TEX15: variants seen among roughly 807,000 people sequenced by gnomAD.
TEX15 encodes the protein testis-expressed protein 15.
Under a neutral mutation model 237.3 loss-of-function variants are expected in TEX15, and 171 were observed. The observed-to-expected ratio is 0.72, with a 90% CI of 0.64 to 0.82. The LOEUF is 0.82. Among genes scored for constraint, TEX15 ranks in the 40% least tolerant of loss-of-function variants. The probability of loss-of-function intolerance (pLI) is 0.00; values close to 1 mark genes in which losing one functional copy is unlikely to be tolerated. For missense variants in TEX15, 3,750 were observed against 3,646.5 expected (o/e 1.03, Z -0.73); for synonymous variants, 1,338 against 1,269.8 (o/e 1.05, Z -1.14).
intron 2 of TEX15, among the ~76,000 whole-genome samples, chr8:30,894,349 A>C (rs1563275524): frequency 6.6e-6 from 1 of 152,182 alleles, no homozygotes; most frequent in Admixed American, 6.5e-5. Context: ...CGTATTTGAT[A>C]ATTCCAACAT....
At chr8:30,909,797 AAAGAT>A (rs1308214572) in intron 1 of TEX15, among the ~76,000 whole-genome samples, 8 of 152,320 alleles carry the variant, frequency 5.3e-5, no homozygotes, top group South Asian at 2.1e-4. Context: ...CCTCTTTGAT[AAAGAT>A]AAGTAACAAA....
In TEX15 at chr8:30,849,121, C is replaced by T; in HGVS notation, c.1046G>A (p.Gly349Glu). The change falls in exon 8 of 11, where the codon GGA becomes GAA. Residue 349 changes from glycine to glutamate, a missense_variant. Physicochemically the swap from Gly to Glu is moderately conservative, Grantham distance 98. Transcript: ENST00000643185. ...ISNSYGNVQN[G>E]NISIPETYSG... ...GTATGTTTCAGGTATAGAAATGTTT[C>T]CATTTTGTACATTTCCATAGGAGTT... The T allele has an allele frequency of 6.3e-7, 1 of 1,599,958 alleles. No homozygotes were observed. The highest frequency in any genetic ancestry group is 8.5e-7 in the Non-Finnish European group (1 of 1,173,326).
intron 5 of TEX15, among the ~76,000 whole-genome samples, chr8:30,864,285 T>TAA (rs113313825): frequency 2.5e-5 from 3 of 122,018 alleles, no homozygotes; most frequent in South Asian, 2.6e-4. Flanking sequence ...GAAAAAAGAC[T>TAA]AAAAAAAAAA....
chr8:30,844,943 T>C lies in TEX15; in HGVS notation c.5224A>G (p.Ile1742Val). The C allele has an allele frequency of 6.2e-7, 1 of 1,613,546 alleles. No homozygotes were observed. The highest frequency in any genetic ancestry group is 2.2e-5 in the East Asian group (1 of 44,876). The stretch of plus-strand genomic sequence containing the variant: ...GCTGCAAAAGAATCTACAGTAAGAA[T>C]TCTCTGCTTATCCAAGTAAGATTTT... Reference protein sequence around the residue: ...SSKSYLDKQRILTVDSFAASS... With the variant: ...SSKSYLDKQRVLTVDSFAASS... Residue 1742 changes from isoleucine to valine, a missense_variant, in exon 8 of 11, where the codon ATT becomes GTT. Physicochemically the swap from Ile to Val is conservative, Grantham distance 29. Transcript: ENST00000643185.
chr8:30,841,650 C>T (rs934630419), intron 8 of TEX15, among the ~76,000 whole-genome samples: 1 of 152,172 alleles, frequency 6.6e-6, no homozygotes, highest in African/African-American at 2.4e-5. Flanking sequence ...GGGGCATAGG[C>T]TTGTTATACA....
intron 9 of TEX15, among the ~76,000 whole-genome samples, chr8:30,839,216 A>T (rs931528507): frequency 2.6e-5 from 4 of 152,112 alleles, no homozygotes; most frequent in African/African-American, 7.2e-5. Flanking sequence ...AGTCAAGAGA[A>T]ATTCTTCTTT....
chr8:30,872,989 T>C (rs1208115545), intron 4 of TEX15, among the ~76,000 whole-genome samples: 2 of 152,172 alleles, frequency 1.3e-5, no homozygotes, highest in Non-Finnish European at 2.9e-5. Flanking sequence ...TAGTAACAGG[T>C]ATACGATATA....
Position 30,845,999 on chromosome 8 carries a change from CTTTT to C in TEX15, c.4164_4167del (p.Lys1389LeufsTer12). The C allele has an allele frequency of 6.2e-7, 1 of 1,612,864 alleles. No individual in the cohort carries two copies. The highest frequency in any genetic ancestry group is 8.5e-7 in the Non-Finnish European group (1 of 1,179,492). ...AAAGATGTGTGAACTCTTCTATGAG[CTTTT>C]TTTAAGTGAACAACTGCTTTGTCTA... On this transcript the variant is annotated frameshift_variant, in exon 8 of 11. Transcript: ENST00000643185. LOFTEE classifies it high-confidence loss of function.
At chr8:30,903,333 A>G (rs1358693322) in intron 1 of TEX15, among the ~76,000 whole-genome samples, 1 of 152,220 alleles carries the variant, frequency 6.6e-6, no homozygotes, top group Admixed American at 6.5e-5. Flanking sequence ...CTTCCAGTCC[A>G]GCTGCTTTTC....
intron 4 of TEX15, among the ~76,000 whole-genome samples, chr8:30,873,426 G>A (rs1808335567): frequency 6.6e-6 from 1 of 152,082 alleles, no homozygotes; most frequent in Admixed American, 6.6e-5. Context: ...AATGGTCAAG[G>A]CACTCTAATA....
intron 2 of TEX15, among the ~76,000 whole-genome samples, chr8:30,895,545 T>C (rs1017934050): frequency 6.6e-6 from 1 of 151,804 alleles, no homozygotes; most frequent in East Asian, 1.9e-4. Context: ...GAGTATCTGG[T>C]TAAGTATTAG....
chr8:30,883,835 G>C (rs1236821279), intron 3 of TEX15, among the ~76,000 whole-genome samples: 1 of 152,184 alleles, frequency 6.6e-6, no homozygotes, highest in African/African-American at 2.4e-5. Flanking sequence ...CTTTATGGCA[G>C]AATGATTTAT....
At chr8:30,907,036 T>C (rs2128780068) in intron 1 of TEX15, among the ~76,000 whole-genome samples, 1 of 152,322 alleles carries the variant, frequency 6.6e-6, no homozygotes, top group South Asian at 2.1e-4. Context: ...GTTGTATAAA[T>C]CTTCGTAAGA....
intron 4 of TEX15, among the ~76,000 whole-genome samples, chr8:30,872,733 T>C (rs1808317592): frequency 6.6e-6 from 1 of 151,806 alleles, no homozygotes. Context: ...AGTTTTTAAA[T>C]AAAGAGTTCT....
intron 3 of TEX15, among the ~76,000 whole-genome samples, chr8:30,883,509 C>T (rs1045898583): frequency 2.6e-5 from 4 of 151,956 alleles, no homozygotes; most frequent in African/African-American, 9.7e-5. Flanking sequence ...TTCCCTTGAC[C>T]CCCACCCTCC....
At chr8:30,910,610 CTTTTTTTTT>C (rs796129316) in intron 1 of TEX15, among the ~76,000 whole-genome samples, 12 of 97,910 alleles carry the variant, frequency 1.2e-4, no homozygotes, top group South Asian at 6.8e-4. Flanking sequence ...CACGCCTGGC[CTTTTTTTTT>C]TTTTTTTTTT....
chr8:30,906,594 GAA>G lies in TEX15; in HGVS notation c.-86+6283_-86+6284del, dbSNP rs34052778. Among the ~76,000 whole-genome samples the G allele has an allele frequency of 5.8e-3, 554 of 96,172 alleles. 3 individuals carry two copies. Among genetic ancestry groups the G allele is most frequent in the Middle Eastern group, 0.02 (3 of 150 alleles). 63.1% of individuals were successfully genotyped at this position (96,172 alleles called of 152,430 possible). A position where few individuals can be genotyped will look rare whatever the true frequency, so the allele number is the denominator to read the frequency against. On this transcript the variant is annotated intron_variant, in intron 1 of 10. Transcript: ENST00000643185. ...GACAGAGCAAGACTCCATCTCAAAA[GAA>G]AAAAAAAAAAAAAAAGAGAGAGAGA...
At chr8:30,877,518 CTAT>C (rs1449391831) in intron 3 of TEX15, among the ~76,000 whole-genome samples, 1 of 151,976 alleles carries the variant, frequency 6.6e-6, no homozygotes, top group African/African-American at 2.4e-5. Flanking sequence ...ATTTTTAATT[CTAT>C]TATTGACCCC....
rs369584408 is a variant in TEX15, at chr8:30,880,437, G to A, written c.137-5335C>T. 7.2e-5 allele frequency among the ~76,000 whole-genome samples: 11 copies of A among 152,080 alleles called. No homozygotes were observed. In the East Asian group the frequency reaches 1.2e-3, roughly 16 times the overall value. ...ATGAACAATATGGGTTTGAACAGTG[G>A]GACAACTTATACTTGGATTTTCTTC... On this transcript the variant is annotated intron_variant, in intron 3 of 10. Coordinates refer to ENST00000643185, the MANE Select transcript of TEX15 (RefSeq NM_001350162.2).
Sources: allele counts gnomAD v4.1 joint callset (sites outside exome capture counted in the v4.1 genomes callset), GRCh38; gene constraint gnomAD v4.1.1; transcripts MANE v1.5; gene names NCBI Gene and HGNC (gene_info 2026-07-23, HGNC 2026-07-21).